Variants in SORCS1 observed in about 807,000 individuals in gnomAD.
SORCS1 encodes sortilin related VPS10 domain containing receptor 1.
Under a neutral mutation model 146.1 loss-of-function variants are expected in SORCS1, and 60 were observed. The observed-to-expected ratio is 0.41, with a 90% CI of 0.33 to 0.51. SORCS1 has a LOEUF of 0.51. SORCS1 is among the 20% of genes least tolerant of loss of function. The probability of loss-of-function intolerance (pLI) is 0.21; values close to 1 mark genes in which losing one functional copy is unlikely to be tolerated. For synonymous variants in SORCS1, 637 were observed against 584.0 expected, an observed-to-expected ratio of 1.09 and a Z score of -1.31; for missense variants, 1,352 against 1,487.6, an observed-to-expected ratio of 0.91 and a Z score of 1.50.
chr10:106,842,942 A>ATG (rs1251823245), intron 2 of SORCS1, among the ~76,000 whole-genome samples: 1 of 152,190 alleles, frequency 6.6e-6, no homozygotes, highest in East Asian at 1.9e-4. Flanking sequence ...AGTTATGTGC[A>ATG]TGTGTGTGTA....
chr10:106,766,369 T>G (rs1401879301), intron 4 of SORCS1, among the ~76,000 whole-genome samples: 1 of 152,222 alleles, frequency 6.6e-6, no homozygotes, highest in Non-Finnish European at 1.5e-5. Flanking sequence ...TCCTCCATCC[T>G]TTTTTAGCAA....
intron 14 of SORCS1, among the ~76,000 whole-genome samples, chr10:106,674,585 G>C (rs12146363): frequency 6.6e-6 from 1 of 151,986 alleles, no homozygotes; most frequent in Non-Finnish European, 1.5e-5. Context: ...TCACATTCCA[G>C]ACAAAAATGA....
chr10:106,836,227 A>C (rs1273544286), intron 2 of SORCS1, among the ~76,000 whole-genome samples: 2 of 152,040 alleles, frequency 1.3e-5, no homozygotes, highest in Admixed American at 6.6e-5. Flanking sequence ...GTAATCCCAG[A>C]ACTTTGGGAG....
intron 1 of SORCS1, among the ~76,000 whole-genome samples, chr10:106,985,478 AGT>A (rs1341890526): frequency 6.6e-6 from 1 of 151,826 alleles, no homozygotes; most frequent in Admixed American, 6.6e-5. Flanking sequence ...ATGTCTACAG[AGT>A]GTCAGCTATG....
chr10:107,105,314 A>G (rs2134411666), intron 1 of SORCS1, among the ~76,000 whole-genome samples: 1 of 152,294 alleles, frequency 6.6e-6, no homozygotes, highest in South Asian at 2.1e-4. Flanking sequence ...CTAAAGGCAA[A>G]CAGAGTGTAT....
At chr10:106,746,397 T>G (rs1857747941) in intron 5 of SORCS1, among the ~76,000 whole-genome samples, 1 of 152,310 alleles carries the variant, frequency 6.6e-6, no homozygotes, top group African/African-American at 2.4e-5. Context: ...GCCCAAATCT[T>G]ATTAAGGACA....
intron 3 of SORCS1, among the ~76,000 whole-genome samples, chr10:106,797,015 G>A (rs1262803709): frequency 6.6e-6 from 1 of 152,192 alleles, no homozygotes; most frequent in Non-Finnish European, 1.5e-5. Flanking sequence ...GCTGAGGCAG[G>A]AGACTCGCTT....
At chr10:106,999,197 C>T (rs1957116125) in intron 1 of SORCS1, among the ~76,000 whole-genome samples, 1 of 152,124 alleles carries the variant, frequency 6.6e-6, no homozygotes, top group African/African-American at 2.4e-5. Context: ...CACACACGAA[C>T]ATACACACAC....
chr10:106,843,211 T>C (rs995075351), intron 2 of SORCS1, among the ~76,000 whole-genome samples: 4 of 152,144 alleles, frequency 2.6e-5, no homozygotes, highest in East Asian at 1.9e-4. Flanking sequence ...ATTCATCCAA[T>C]AGTGAAAAGT....
rs561633248 is a variant in SORCS1, at chr10:106,717,720, T to C, written c.1025-8379A>G. On this transcript the variant is annotated intron_variant, in intron 6 of 25. Coordinates refer to ENST00000263054, the MANE Select transcript of SORCS1 (RefSeq NM_052918.5). ...TTGGTGCAAAAAGTAACTGCAGTAA[T>C]TGCCAAAAACCGCAATTACCTTTGC... 2.0e-5 allele frequency among the ~76,000 whole-genome samples: 3 copies of C among 152,256 alleles called. No individual in the cohort carries two copies. The South Asian group carries it at 6.2e-4, about 32-fold the overall frequency.
intron 1 of SORCS1, among the ~76,000 whole-genome samples, chr10:107,036,222 TA>T (rs977792772): frequency 2.0e-5 from 3 of 152,268 alleles, no homozygotes; most frequent in Admixed American, 6.5e-5. Context: ...ATAATATGAA[TA>T]AAAATAGTAT....
intron 2 of SORCS1, among the ~76,000 whole-genome samples, chr10:106,903,092 C>T (rs966339875): frequency 1.3e-5 from 2 of 152,084 alleles, no homozygotes; most frequent in African/African-American, 4.8e-5. Flanking sequence ...ATAATAATAA[C>T]AAAATAATTA....
intron 2 of SORCS1, among the ~76,000 whole-genome samples, chr10:106,861,809 A>C (rs1270961127): frequency 6.6e-6 from 1 of 152,138 alleles, no homozygotes; most frequent in Non-Finnish European, 1.5e-5. Context: ...GAATCACTTG[A>C]ACCTGGGAGG....
At chr10:106,965,446 T>C (rs770141996) in intron 1 of SORCS1, among the ~76,000 whole-genome samples, 19 of 151,728 alleles carry the variant, frequency 1.3e-4, no homozygotes, top group Non-Finnish European at 2.5e-4. Flanking sequence ...AAAGAAAGAG[T>C]GGGGAATGGC....
At chr10:106,862,158 T>G (rs1950037279) in intron 2 of SORCS1, among the ~76,000 whole-genome samples, 2 of 152,198 alleles carry the variant, frequency 1.3e-5, no homozygotes, top group South Asian at 4.1e-4. Flanking sequence ...TTTAGGGAAC[T>G]GAACATCTAT....
Position 107,160,627 on chromosome 10 carries a change from A to G in SORCS1, c.558+3342T>C, listed in dbSNP as rs543903169. On this transcript the variant is annotated intron_variant, in intron 1 of 25. Coordinates refer to ENST00000263054, the MANE Select transcript of SORCS1 (RefSeq NM_052918.5). The stretch of plus-strand genomic sequence containing the variant: ...CATCATGGAAAAATAGAAGTCAAGT[A>G]AAACCCTCTGTTAACAAATCTTGTA... 1.2e-4 allele frequency among the ~76,000 whole-genome samples: 19 copies of G among 152,338 alleles called. No individual in the cohort carries two copies. The South Asian group carries it at 3.7e-3, about 30-fold the overall frequency.
chr10:107,119,479 T>A (rs753604419), intron 1 of SORCS1, among the ~76,000 whole-genome samples: 1 of 152,222 alleles, frequency 6.6e-6, no homozygotes, highest in East Asian at 1.9e-4. Flanking sequence ...ATCAGAAATA[T>A]CTTACTGTGG....
intron 1 of SORCS1, among the ~76,000 whole-genome samples, chr10:106,994,078 A>AAG (rs1554907966): frequency 2.0e-5 from 3 of 150,800 alleles, no homozygotes; most frequent in East Asian, 1.9e-4. Flanking sequence ...AAAAAAAAAA[A>AAG]AAAAAAAAAG....
chr10:106,716,386 G>A (rs1855375261), intron 6 of SORCS1, among the ~76,000 whole-genome samples: 1 of 152,146 alleles, frequency 6.6e-6, no homozygotes, highest in Non-Finnish European at 1.5e-5. Flanking sequence ...TTTACATAAT[G>A]AGAGTTATTA....
Sources: gnomAD v4.1 joint callset for allele counts (sites outside exome capture counted in the v4.1 genomes callset) on GRCh38, gnomAD v4.1.1 for gene constraint, MANE v1.5 for transcripts, NCBI Gene and HGNC (gene_info 2026-07-23, HGNC 2026-07-21) for gene names.